NRF1: variants seen among roughly 807,000 people sequenced by gnomAD.
The protein encoded by NRF1 is nuclear respiratory factor 1.
In NRF1, 5 loss-of-function variants were observed where a neutral mutation model predicts 58.5. The ratio of observed to expected loss-of-function variants is 0.09; its 90% CI spans 0.04 to 0.18. The LOEUF is 0.18. Among genes scored for constraint, NRF1 ranks in the 10% least tolerant of loss-of-function variants. The pLI is 1.00. For synonymous variants in NRF1, 224 were observed against 246.7 expected, an observed-to-expected ratio of 0.91 and a Z score of 0.86; for missense variants, 288 against 657.7, an observed-to-expected ratio of 0.44 and a Z score of 6.15.
At chr7:129,732,987 C>G (rs1803618454) in intron 10 of NRF1, among the ~76,000 whole-genome samples, 1 of 151,792 alleles carries the variant, frequency 6.6e-6, no homozygotes, top group Non-Finnish European at 1.5e-5. Flanking sequence ...AGGAGAATTG[C>G]TTGAACCCAG....
chr7:129,735,894 G>C (rs1237546352), intron 10 of NRF1, among the ~76,000 whole-genome samples: 2 of 152,142 alleles, frequency 1.3e-5, no homozygotes, highest in African/African-American at 4.8e-5. Context: ...TGTAGTCCCA[G>C]CTACTTGGGA....
chr7:129,752,824 A>C (rs368257528), intron 10 of NRF1, among the ~76,000 whole-genome samples: 1 of 152,264 alleles, frequency 6.6e-6, no homozygotes, highest in Non-Finnish European at 1.5e-5. Flanking sequence ...TGAAGCCCAC[A>C]GTTTTGTAGG....
At chr7:129,701,855 A>G (rs1251627596) in intron 5 of NRF1, among the ~76,000 whole-genome samples, 1 of 152,230 alleles carries the variant, frequency 6.6e-6, no homozygotes, top group African/African-American at 2.4e-5. Flanking sequence ...AATAAAATGG[A>G]AATTCTATAC....
intron 10 of NRF1, among the ~76,000 whole-genome samples, chr7:129,744,593 G>T (rs1562991562): frequency 6.6e-6 from 1 of 151,980 alleles, no homozygotes; most frequent in Non-Finnish European, 1.5e-5. Context: ...TAACAATTTG[G>T]CTATGCTAAG....
At chr7:129,653,484 G>T (rs530734971) in intron 1 of NRF1, among the ~76,000 whole-genome samples, 1 of 152,166 alleles carries the variant, frequency 6.6e-6, no homozygotes, top group East Asian at 1.9e-4. Context: ...TTACATTAGG[G>T]TTCCCTCATG....
chr7:129,671,614 T>C (rs915386233), intron 3 of NRF1, 71 bp downstream of exon 3: 10 of 832,738 alleles, frequency 1.2e-5, no homozygotes, highest in Admixed American at 2.0e-5. Context: ...TTAGAACATA[T>C]GTGATTAGGT....
chr7:129,634,793 T>C (rs1377436411), intron 1 of NRF1, among the ~76,000 whole-genome samples: 1 of 152,224 alleles, frequency 6.6e-6, no homozygotes, highest in African/African-American at 2.4e-5. Flanking sequence ...GGCTGATGTA[T>C]ATATTTTCAG....
At chr7:129,672,189 C>T (rs1003557437) in intron 3 of NRF1, among the ~76,000 whole-genome samples, 5 of 145,330 alleles carry the variant, frequency 3.4e-5, no homozygotes, top group Non-Finnish European at 7.4e-5. Flanking sequence ...AGAAGAGCCA[C>T]GCCAGGAGAT....
rs187006571 is a variant in NRF1, at chr7:129,625,057, G to T, written c.-7+13233G>T. ...TGGAGGCTAGGAGTCTGGAATCAAG[G>T]TGTTCACAGGGTGGCGCTCCCTCAG... is the stretch of plus-strand genomic sequence containing the variant. On this transcript the variant is annotated intron_variant, in intron 1 of 10. Transcript: ENST00000393232. Among the ~76,000 whole-genome samples, 5 of 152,226 alleles carry T rather than the reference G, an allele frequency of 3.3e-5. No homozygotes were observed. The East Asian group carries it at 5.8e-4, about 18-fold the overall frequency.
At chr7:129,645,639 C>G (rs1176510453) in intron 1 of NRF1, among the ~76,000 whole-genome samples, 1 of 152,086 alleles carries the variant, frequency 6.6e-6, no homozygotes, top group Admixed American at 6.5e-5. Flanking sequence ...AGTAATATGA[C>G]AAATTATTTT....
At chr7:129,704,614 T>C (rs990070684) in intron 5 of NRF1, among the ~76,000 whole-genome samples, 8 of 152,208 alleles carry the variant, frequency 5.3e-5, no homozygotes, top group Middle Eastern at 3.2e-3. Flanking sequence ...TTTTTAACAT[T>C]TGCATATACC....
intron 9 of NRF1, among the ~76,000 whole-genome samples, chr7:129,720,134 A>G (rs1184893589): frequency 6.6e-6 from 1 of 152,186 alleles, no homozygotes; most frequent in Non-Finnish European, 1.5e-5. Flanking sequence ...AGGAATAAAG[A>G]GATGTTGAAA....
In NRF1 at chr7:129,619,406, A is replaced by G. The variant is rs1245428753; in HGVS notation, c.-7+7582A>G. ...GGACTTGGCATACGTGTATATATAT[A>G]TATATATATATATATATATATATAT... On this transcript the variant is annotated intron_variant, in intron 1 of 10. Transcript: ENST00000393232. Among the ~76,000 whole-genome samples, 11 of 73,948 alleles carry G rather than the reference A, an allele frequency of 1.5e-4. 1 individual carries two copies. The highest frequency in any genetic ancestry group is 4.6e-4 in the South Asian group (1 of 2,178). 48.5% of individuals were successfully genotyped at this position (73,948 alleles called of 152,430 possible).
chr7:129,728,684 G>A (rs1450601224), intron 10 of NRF1, among the ~76,000 whole-genome samples: 2 of 152,170 alleles, frequency 1.3e-5, no homozygotes, highest in Non-Finnish European at 2.9e-5. Context: ...TTTGGAATAG[G>A]AGGAAACAAA....
rs149357297 is a variant in NRF1, at chr7:129,732,656, G to A, written c.1348+5291G>A. ...TCACTCTTGTTGTCCAGGCTGGAGT[G>A]CAGTGGCTCAATCTCAGCTCACCGC... On this transcript the variant is annotated intron_variant, in intron 10 of 10. Transcript: ENST00000393232. Among the ~76,000 whole-genome samples, 1,209 of 152,192 alleles carry A rather than the reference G, an allele frequency of 7.9e-3. 53 individuals are homozygous for A. Among genetic ancestry groups the A allele is most frequent in the East Asian group, 0.064 (325 of 5,114 alleles).
chr7:129,685,497 G>A (rs1385913986), intron 4 of NRF1, among the ~76,000 whole-genome samples: 2 of 150,968 alleles, frequency 1.3e-5, no homozygotes, highest in African/African-American at 2.4e-5. Context: ...ACCTGTATAT[G>A]TATATTTAAA....
intron 1 of NRF1, among the ~76,000 whole-genome samples, chr7:129,621,505 C>T (rs1367024708): frequency 6.6e-6 from 1 of 152,200 alleles, no homozygotes; most frequent in Non-Finnish European, 1.5e-5. Context: ...TTCTTTCTTT[C>T]ATTAAACAAT....
chr7:129,628,554 A>G (rs1386167646), intron 1 of NRF1, among the ~76,000 whole-genome samples: 4 of 152,190 alleles, frequency 2.6e-5, no homozygotes, highest in Non-Finnish European at 4.4e-5. Context: ...TATATTTTAC[A>G]GTTTTTGCAA....
intron 10 of NRF1, among the ~76,000 whole-genome samples, chr7:129,746,353 A>C (rs778619895): frequency 1.3e-4 from 20 of 152,102 alleles, no homozygotes; most frequent in Non-Finnish European, 2.5e-4. Context: ...TTCTTGCCCT[A>C]CATATGTCCT....
Sources: allele counts gnomAD v4.1 joint callset (sites outside exome capture counted in the v4.1 genomes callset), GRCh38; gene constraint gnomAD v4.1.1; transcripts MANE v1.5; gene names NCBI Gene and HGNC (gene_info 2026-07-23, HGNC 2026-07-21).